SUGCT: variants seen among roughly 807,000 people sequenced by gnomAD.
SUGCT encodes succinyl-CoA:glutarate-CoA transferase, also known as succinyl-CoA:glutarate CoA-transferase.
Under a neutral mutation model 55.0 loss-of-function variants are expected in SUGCT, and 41 were observed. That is an observed-to-expected ratio of 0.74 (90% confidence interval 0.58 to 0.97). The LOEUF (loss-of-function observed/expected upper bound fraction) is 0.97. Among genes scored for constraint, SUGCT ranks in the 50% least tolerant of loss-of-function variants. The pLI is 0.00. For synonymous variants in SUGCT, 187 were observed against 200.4 expected (o/e 0.93, Z 0.56); for missense variants, 568 against 547.8 (o/e 1.04, Z -0.37).
the SUGCT span, among the ~76,000 whole-genome samples, chr7:40,875,125 G>A: frequency 6.6e-6 from 1 of 152,206 alleles, no homozygotes; most frequent in Non-Finnish European, 1.5e-5. Flanking sequence ...GTTTTCTTCT[G>A]AGATAGATTG....
intron 9 of SUGCT, among the ~76,000 whole-genome samples, chr7:40,378,950 T>A (rs977284929): frequency 6.6e-6 from 1 of 152,228 alleles, no homozygotes; most frequent in Non-Finnish European, 1.5e-5. Flanking sequence ...ATCACATATG[T>A]TAAGATGTGA....
intron 12 of SUGCT, among the ~76,000 whole-genome samples, chr7:40,592,121 A>G (rs907528581): frequency 6.6e-6 from 1 of 152,208 alleles, no homozygotes; most frequent in Non-Finnish European, 1.5e-5. Flanking sequence ...AGACAAATGT[A>G]TGGTAATATT....
intron 9 of SUGCT, among the ~76,000 whole-genome samples, chr7:40,324,342 A>G (rs1242249973): frequency 2.0e-5 from 3 of 150,776 alleles, no homozygotes; most frequent in Admixed American, 6.6e-5. Context: ...TTCAACCTCC[A>G]CCTCCCAAGT....
chr7:40,776,931 A>G (rs1323742843), intron 13 of SUGCT, among the ~76,000 whole-genome samples: 7 of 152,224 alleles, frequency 4.6e-5, no homozygotes, highest in East Asian at 1.9e-4. Context: ...ACAATGCCCC[A>G]TGTAGTAAAT....
intron 5 of SUGCT, among the ~76,000 whole-genome samples, chr7:40,190,557 C>G (rs2150736447): frequency 6.6e-6 from 1 of 152,146 alleles, no homozygotes; most frequent in East Asian, 1.9e-4. Context: ...CCCAATAGTA[C>G]CTACTCTCTA....
intron 13 of SUGCT, among the ~76,000 whole-genome samples, chr7:40,766,924 C>G (rs957344532): frequency 1.8e-4 from 28 of 152,100 alleles, no homozygotes; most frequent in Non-Finnish European, 7.4e-5. Flanking sequence ...TGGATGAAAG[C>G]GATAGCCTGG....
intron 13 of SUGCT, among the ~76,000 whole-genome samples, chr7:40,859,741 A>C (rs960210725): frequency 1.3e-5 from 2 of 152,258 alleles, no homozygotes; most frequent in African/African-American, 2.4e-5. Context: ...GCTAGAGAGC[A>C]TAAGAGCGGA....
intron 9 of SUGCT, among the ~76,000 whole-genome samples, chr7:40,417,029 T>C (rs1787041539): frequency 6.6e-6 from 1 of 152,028 alleles, no homozygotes; most frequent in South Asian, 2.1e-4. Flanking sequence ...CTTTCGAATA[T>C]GTCATCATAG....
the SUGCT span, among the ~76,000 whole-genome samples, chr7:40,931,932 G>C: frequency 1.3e-5 from 2 of 152,038 alleles, no homozygotes; most frequent in Non-Finnish European, 2.9e-5. Flanking sequence ...CTTCAGTTCT[G>C]TTCTGATCTT....
intron 6 of SUGCT, among the ~76,000 whole-genome samples, chr7:40,212,597 C>T (rs565456594): frequency 3.3e-5 from 5 of 152,068 alleles, no homozygotes; most frequent in South Asian, 2.1e-4. Context: ...TGCAGTGGCG[C>T]GATCTCAGCT....
chr7:40,602,008 C>G (rs771293252), intron 12 of SUGCT, among the ~76,000 whole-genome samples: 1 of 152,210 alleles, frequency 6.6e-6, no homozygotes, highest in East Asian at 1.9e-4. Context: ...CATACTCTTT[C>G]AAGTTTTTAC....
chr7:40,304,235 C>T (rs764580312), intron 8 of SUGCT, among the ~76,000 whole-genome samples: 2 of 151,904 alleles, frequency 1.3e-5, no homozygotes, highest in South Asian at 2.1e-4. Context: ...AGGAACAGCC[C>T]CTTGGGCTCC....
At chr7:40,439,599 G>A (rs780780416) in intron 9 of SUGCT, among the ~76,000 whole-genome samples, 7 of 152,112 alleles carry the variant, frequency 4.6e-5, no homozygotes, top group Admixed American at 1.3e-4. Context: ...ACTGGTCCCG[G>A]TGCTACGCCA....
intron 3 of SUGCT, among the ~76,000 whole-genome samples, chr7:40,187,251 C>T (rs866525827): frequency 1.3e-4 from 20 of 152,078 alleles, no homozygotes; most frequent in Middle Eastern, 3.4e-3. Flanking sequence ...CACATGGACA[C>T]AGGAAGGGGA....
chr7:40,606,250 A>C (rs1173432511), intron 12 of SUGCT, among the ~76,000 whole-genome samples: 1 of 152,206 alleles, frequency 6.6e-6, no homozygotes, highest in African/African-American at 2.4e-5. Flanking sequence ...TTGAAGGTGG[A>C]GGATGACAAA....
In SUGCT at chr7:40,330,550, C is replaced by T. The variant is rs530049120; in HGVS notation, c.816+13695C>T. ...TTGAAAGAAATTACCTGCTGGCAAA[C>T]GCTCCTACCTCTAAGTCCGGCATGG... On this transcript the variant is annotated intron_variant, in intron 9 of 13. Transcript: ENST00000335693. 5.3e-5 allele frequency among the ~76,000 whole-genome samples: 8 copies of T among 151,904 alleles called. No individual in the cohort carries two copies. The South Asian group carries it at 8.3e-4, about 16-fold the overall frequency.
chr7:40,431,304 T>C (rs527861612), intron 9 of SUGCT, among the ~76,000 whole-genome samples: 202 of 152,276 alleles, frequency 1.3e-3, no homozygotes, highest in African/African-American at 4.7e-3. Context: ...TCTGTGTGTC[T>C]GTTTTTAAGG....
At chr7:40,876,912 G>T in the SUGCT span, among the ~76,000 whole-genome samples, 2 of 152,154 alleles carry the variant, frequency 1.3e-5, no homozygotes, top group African/African-American at 4.8e-5. Flanking sequence ...GGACTCCACA[G>T]CATCCACGAT....
chr7:40,525,055 T>G (rs1289203031), intron 12 of SUGCT, among the ~76,000 whole-genome samples: 1 of 152,212 alleles, frequency 6.6e-6, no homozygotes, highest in Non-Finnish European at 1.5e-5. Flanking sequence ...TGTTAAACTG[T>G]TAAACATTCA....
Sources: gnomAD v4.1 joint callset for allele counts (sites outside exome capture counted in the v4.1 genomes callset) on GRCh38, gnomAD v4.1.1 for gene constraint, MANE v1.5 for transcripts, NCBI Gene and HGNC (gene_info 2026-07-23, HGNC 2026-07-21) for gene names.